Variants in NIBAN1 observed in about 807,000 individuals in gnomAD.
NIBAN1 encodes protein Niban 1.
Under a neutral mutation model 75.1 loss-of-function variants are expected in NIBAN1, and 81 were observed. The observed-to-expected ratio is 1.08, with a 90% CI of 0.90 to 1.30. NIBAN1 has a LOEUF of 1.30. Ranked by LOEUF, NIBAN1 falls within the 50% of genes most tolerant of loss-of-function variation. The pLI is 0.00. For missense variants in NIBAN1, 1,133 were observed against 1,128.1 expected, an observed-to-expected ratio of 1.00 and a Z score of -0.06; for synonymous variants, 436 against 424.8, an observed-to-expected ratio of 1.03 and a Z score of -0.32.
chr1:184,833,707 A>C (rs1308378949), intron 5 of NIBAN1, among the ~76,000 whole-genome samples: 1 of 152,210 alleles, frequency 6.6e-6, no homozygotes. Flanking sequence ...GTCTCAAAAA[A>C]ATAAATAGAT....
Position 184,794,850 on chromosome 1 carries a change from TG to T in NIBAN1, c.*126del. 7.9e-7 allele frequency: 1 copy of T among 1,259,528 alleles called. No homozygotes were observed. The highest frequency in any genetic ancestry group is 1.1e-6 in the Non-Finnish European group (1 of 885,778). 78.0% of individuals were successfully genotyped at this position (1,259,528 alleles called of 1,614,324 possible). A position where few individuals can be genotyped will look rare whatever the true frequency, so the allele number is the denominator to read the frequency against. On this transcript the variant is annotated 3_prime_UTR_variant, in exon 14 of 14. Coordinates refer to ENST00000367511, the MANE Select transcript of NIBAN1 (RefSeq NM_052966.4). ...GCTCATGCCCTGTATGCATTTCCTC[TG>T]GTTTTATTATTCAAATTAAGAAAAT...
chr1:184,944,380 G>T (rs1658172191), intron 1 of NIBAN1, among the ~76,000 whole-genome samples: 2 of 152,194 alleles, frequency 1.3e-5, no homozygotes, highest in African/African-American at 2.4e-5. Context: ...GAAGTCACAA[G>T]CTGAAGACTA....
intron 5 of NIBAN1, among the ~76,000 whole-genome samples, chr1:184,879,825 A>C (rs1353028434): frequency 6.6e-6 from 1 of 152,280 alleles, no homozygotes; most frequent in East Asian, 1.9e-4. Context: ...TCCACATTCC[A>C]CCTGACTCAC....
intron 1 of NIBAN1, among the ~76,000 whole-genome samples, chr1:184,936,691 G>A (rs539151190): frequency 1.8e-4 from 28 of 152,222 alleles, no homozygotes; most frequent in African/African-American, 4.1e-4. Flanking sequence ...TTCACACTGC[G>A]TGCGTGCGTG....
intron 1 of NIBAN1, among the ~76,000 whole-genome samples, chr1:184,926,241 GTTTGTT>G (rs1171353032): frequency 6.6e-6 from 1 of 152,054 alleles, no homozygotes; most frequent in Non-Finnish European, 1.5e-5. Context: ...TTATTTGTCT[GTTTGTT>G]TTTGTTTTTA....
At chr1:184,853,177 A>G (rs1655590486) in intron 5 of NIBAN1, among the ~76,000 whole-genome samples, 1 of 152,354 alleles carries the variant, frequency 6.6e-6, no homozygotes, top group Middle Eastern at 3.4e-3. Context: ...ACCATTTACC[A>G]AAAGCATTGT....
chr1:184,942,927 A>G lies in NIBAN1; in HGVS notation c.55+31375T>C, dbSNP rs763096446. 2.0e-5 allele frequency among the ~76,000 whole-genome samples: 3 copies of G among 152,216 alleles called. No homozygotes were observed. In the South Asian group the frequency reaches 6.2e-4, roughly 32 times the overall value. The stretch of plus-strand genomic sequence containing the variant: ...GGATGTTCCATAAAAATCCTCAATT[A>G]TTCTTTCCAAGAAGAGGAAAAAGTA... On this transcript the variant is annotated intron_variant, in intron 1 of 13. Transcript: ENST00000367511.
chr1:184,794,917 A>C lies in NIBAN1; in HGVS notation c.*60T>G. The C allele has an allele frequency of 6.3e-7, 1 of 1,599,376 alleles. No individual in the cohort carries two copies. The highest frequency in any genetic ancestry group is 8.5e-7 in the Non-Finnish European group (1 of 1,178,808). ...GGTAACAGCTTGCATGCAACCCCTA[A>C]GTGTACCCCTATAACCCTTTGGCTT... On this transcript the variant is annotated 3_prime_UTR_variant, in exon 14 of 14. Transcript: ENST00000367511.
At chr1:184,802,625 G>A (rs1370975929) in intron 12 of NIBAN1, among the ~76,000 whole-genome samples, 1 of 152,208 alleles carries the variant, frequency 6.6e-6, no homozygotes, top group Admixed American at 6.5e-5. Flanking sequence ...AATGACCAAT[G>A]ACATGTTGCA....
intron 1 of NIBAN1, among the ~76,000 whole-genome samples, chr1:184,917,244 G>A (rs954703080): frequency 2.1e-5 from 3 of 144,738 alleles, no homozygotes; most frequent in South Asian, 2.1e-4. Context: ...TCACTCTGTC[G>A]CCCAGGCTGG....
chr1:184,898,744 T>G (rs1656870131), intron 2 of NIBAN1, among the ~76,000 whole-genome samples: 1 of 152,250 alleles, frequency 6.6e-6, no homozygotes, highest in South Asian at 2.1e-4. Flanking sequence ...AGAACTTGTC[T>G]TAATTCCCCA....
At position 184,853,726 on chromosome 1, in the gene NIBAN1, C is replaced by T. The variant is rs575184344; in HGVS notation, c.602-21764G>A. On this transcript the variant is annotated intron_variant, in intron 5 of 13. Coordinates refer to ENST00000367511, the MANE Select transcript of NIBAN1 (RefSeq NM_052966.4). The stretch of plus-strand genomic sequence containing the variant: ...ACATACATACACACACCTGTGCGCA[C>T]ACACAAAAATACACATATACACATG... 8.5e-5 allele frequency among the ~76,000 whole-genome samples: 13 copies of T among 152,188 alleles called. No individual in the cohort carries two copies. In the South Asian group the frequency reaches 1.2e-3, roughly 15 times the overall value.
chr1:184,903,790 GC>G (rs1657016259), intron 1 of NIBAN1, among the ~76,000 whole-genome samples: 1 of 143,552 alleles, frequency 7.0e-6, no homozygotes, highest in Non-Finnish European at 1.5e-5. Context: ...GGCTTGGAGT[GC>G]AGTGCTGCAA....
chr1:184,926,849 T>C (rs1657697685), intron 1 of NIBAN1, among the ~76,000 whole-genome samples: 2 of 152,154 alleles, frequency 1.3e-5, no homozygotes, highest in African/African-American at 4.8e-5. Context: ...TTCATTCTTT[T>C]TTCTTTGATC....
intron 2 of NIBAN1, 101 bp from the exon 3 acceptor site, chr1:184,894,307 T>C: frequency 7.8e-7 from 1 of 1,281,614 alleles, no homozygotes; most frequent in South Asian, 1.7e-5. Context: ...TAGGAAACTA[T>C]CTTCCACTGA....
chr1:184,843,439 CT>C (rs1456248148), intron 5 of NIBAN1, among the ~76,000 whole-genome samples: 11 of 152,040 alleles, frequency 7.2e-5, no homozygotes, highest in Non-Finnish European at 2.9e-5. Flanking sequence ...TCATCAGACA[CT>C]TTCCCCCCCG....
intron 1 of NIBAN1, among the ~76,000 whole-genome samples, chr1:184,924,811 T>C (rs746232280): frequency 2.6e-5 from 4 of 152,184 alleles, no homozygotes; most frequent in Non-Finnish European, 5.9e-5. Context: ...TTCCAACTTA[T>C]TGACATATAG....
At chr1:184,842,098 T>A (rs184968616) in intron 5 of NIBAN1, among the ~76,000 whole-genome samples, 29 of 152,240 alleles carry the variant, frequency 1.9e-4, no homozygotes, top group Non-Finnish European at 3.5e-4. Context: ...CTGGTTTAAA[T>A]CTCCTATAAA....
intron 1 of NIBAN1, among the ~76,000 whole-genome samples, chr1:184,933,152 G>A (rs1473351196): frequency 6.6e-6 from 1 of 152,114 alleles, no homozygotes; most frequent in Non-Finnish European, 1.5e-5. Flanking sequence ...CACCAAAGTA[G>A]ACTGCCATTC....
Sources: allele counts gnomAD v4.1 joint callset (sites outside exome capture counted in the v4.1 genomes callset), GRCh38; gene constraint gnomAD v4.1.1; transcripts MANE v1.5; gene names NCBI Gene and HGNC (gene_info 2026-07-23, HGNC 2026-07-21).